PDCD10: variants seen among roughly 807,000 people sequenced by gnomAD.
PDCD10 encodes programmed cell death protein 10.
A neutral mutation model predicts 29.2 loss-of-function variants in PDCD10; 4 were observed. The observed-to-expected ratio is 0.14, with a 90% CI of 0.07 to 0.31. The LOEUF (loss-of-function observed/expected upper bound fraction) is 0.31, where lower values mean the gene tolerates loss of function less well. PDCD10 is among the 10% of genes least tolerant of loss of function. The pLI, the probability that PDCD10 is intolerant of heterozygous loss-of-function variation, is 1.00. For missense variants in PDCD10, 183 were observed against 257.9 expected (o/e 0.71, Z 1.99); for synonymous variants, 70 against 82.2 (o/e 0.85, Z 0.80).
Position 167,683,641 on chromosome 3 carries a change from C to T in PDCD10, c.*667G>A, listed in dbSNP as rs1388995754. 10 of 151,712 alleles carry T rather than the reference C, an allele frequency of 6.6e-5. No homozygotes were observed. The highest frequency in any genetic ancestry group is 6.6e-4 in the Admixed American group (10 of 15,220). The allele number at this position is 151,712 out of a possible 1,614,324, so 9.4% of individuals were successfully genotyped here. ...AAAATGCTATCTCTTACTCATAAGT[C>T]GTTTAAAACAGGTTGGAAATCATAT... is the stretch of plus-strand genomic sequence containing the variant. On this transcript the variant is annotated 3_prime_UTR_variant, in exon 9 of 9. Coordinates refer to ENST00000392750, the MANE Select transcript of PDCD10 (RefSeq NM_007217.4).
intron 3 of PDCD10, among the ~76,000 whole-genome samples, chr3:167,709,615 T>A (rs1341070339): frequency 6.6e-6 from 1 of 152,150 alleles, no homozygotes; most frequent in East Asian, 1.9e-4. Context: ...CACCAAGGGC[T>A]AAAGTGCTCT....
intron 3 of PDCD10, among the ~76,000 whole-genome samples, chr3:167,712,702 T>C (rs1722636376): frequency 6.6e-6 from 1 of 151,948 alleles, no homozygotes; most frequent in South Asian, 2.1e-4. Flanking sequence ...AACAACCTGT[T>C]GCCTACGAGA....
intron 3 of PDCD10, among the ~76,000 whole-genome samples, chr3:167,717,111 A>G (rs1361261897): frequency 6.6e-6 from 1 of 152,058 alleles, no homozygotes; most frequent in Admixed American, 6.6e-5. Flanking sequence ...TGAACTCCAC[A>G]GCAGCTGATT....
At chr3:167,719,707 T>C (rs1014538393) in intron 3 of PDCD10, among the ~76,000 whole-genome samples, 3 of 152,112 alleles carry the variant, frequency 2.0e-5, no homozygotes, top group African/African-American at 2.4e-5. Context: ...TCTTAGGATA[T>C]ATGTCTCTTC....
At chr3:167,689,524 A>G (rs1719986198) in intron 6 of PDCD10, among the ~76,000 whole-genome samples, 1 of 152,188 alleles carries the variant, frequency 6.6e-6, no homozygotes, top group Non-Finnish European at 1.5e-5. Flanking sequence ...AACAGTGGCT[A>G]GATTCTACAA....
rs887659279 is a variant in PDCD10, at chr3:167,719,948, G to T, written c.96+114C>A. 11 of 809,168 alleles carry T rather than the reference G, an allele frequency of 1.4e-5. No individual in the cohort carries two copies. The East Asian group carries it at 2.8e-4, about 21-fold the overall frequency. The allele number at this position is 809,168 out of a possible 1,614,324, so 50.1% of individuals were successfully genotyped here. On this transcript the variant is annotated intron_variant, in intron 3 of 8. Transcript: ENST00000392750. ...GCCCTGATACAATGCCTAACGCACC[G>T]ATAAGAGTTCATTCATGCTAGTATT...
intron 6 of PDCD10, among the ~76,000 whole-genome samples, chr3:167,692,800 C>T (rs896395037): frequency 1.3e-5 from 2 of 152,232 alleles, no homozygotes; most frequent in Admixed American, 6.5e-5. Flanking sequence ...CGCCTGTAGT[C>T]CCAGCTACGC....
At chr3:167,719,588 C>T (rs1313003488) in intron 3 of PDCD10, among the ~76,000 whole-genome samples, 1 of 152,148 alleles carries the variant, frequency 6.6e-6, no homozygotes, top group East Asian at 1.9e-4. Context: ...GTTTTGTCAC[C>T]ACTGACAATA....
intron 3 of PDCD10, among the ~76,000 whole-genome samples, chr3:167,714,805 A>G (rs1722854527): frequency 6.6e-6 from 1 of 152,016 alleles, no homozygotes; most frequent in Non-Finnish European, 1.5e-5. Context: ...AAAAAGGGAA[A>G]GATATTCTAT....
At chr3:167,723,300 G>C (rs1196933029) in intron 2 of PDCD10, among the ~76,000 whole-genome samples, 2 of 152,232 alleles carry the variant, frequency 1.3e-5, no homozygotes, top group Admixed American at 6.5e-5. Flanking sequence ...GAAACAGCAA[G>C]GGTTGGCTGA....
At chr3:167,718,745 C>T (rs1423422254) in intron 3 of PDCD10, among the ~76,000 whole-genome samples, 2 of 151,280 alleles carry the variant, frequency 1.3e-5, no homozygotes, top group East Asian at 3.9e-4. Context: ...TCTTCAGCAG[C>T]TATCTTGTAT....
intron 2 of PDCD10, among the ~76,000 whole-genome samples, chr3:167,724,207 CA>C (rs1473671948): frequency 6.6e-6 from 1 of 152,214 alleles, no homozygotes; most frequent in East Asian, 1.9e-4. Flanking sequence ...AGAGGAACAA[CA>C]GAAGCTCTTG....
At chr3:167,723,343 G>A (rs759544283) in intron 2 of PDCD10, among the ~76,000 whole-genome samples, 56 of 152,292 alleles carry the variant, frequency 3.7e-4, no homozygotes, top group Non-Finnish European at 5.0e-4. Flanking sequence ...CTTTGACAAG[G>A]TGCCTTCCTT....
At chr3:167,692,672 A>C (rs1720376448) in intron 6 of PDCD10, among the ~76,000 whole-genome samples, 1 of 152,234 alleles carries the variant, frequency 6.6e-6, no homozygotes, top group African/African-American at 2.4e-5. Flanking sequence ...TAATCCCAGC[A>C]CTTTGGGAGG....
chr3:167,689,516 CAG>C (rs1240370577), intron 6 of PDCD10, among the ~76,000 whole-genome samples: 1 of 152,110 alleles, frequency 6.6e-6, no homozygotes, highest in East Asian at 1.9e-4. Context: ...TATACAATAA[CAG>C]TGGCTAGATT....
Position 167,721,765 on chromosome 3 carries a change from A to G in PDCD10, c.-116-1492T>C, listed in dbSNP as rs564699339. On this transcript the variant is annotated intron_variant, in intron 2 of 8. Coordinates refer to ENST00000392750, the MANE Select transcript of PDCD10 (RefSeq NM_007217.4). ...CTCCATGACTTGACAGAACAAAAAG[A>G]GCAAAAGGCGAATTCCTGAATTTCA... is the stretch of plus-strand genomic sequence containing the variant. Among the ~76,000 whole-genome samples the G allele has an allele frequency of 2.0e-5, 3 of 152,316 alleles. No homozygotes were observed. The East Asian group carries it at 5.8e-4, about 29-fold the overall frequency.
chr3:167,699,800 A>G (rs1203555873), intron 4 of PDCD10, among the ~76,000 whole-genome samples: 1 of 152,242 alleles, frequency 6.6e-6, no homozygotes, highest in Non-Finnish European at 1.5e-5. Flanking sequence ...AACTGGTTTT[A>G]ACTGCTCAGG....
At chr3:167,711,554 C>G (rs1722520394) in intron 3 of PDCD10, among the ~76,000 whole-genome samples, 1 of 152,076 alleles carries the variant, frequency 6.6e-6, no homozygotes, top group Admixed American at 6.6e-5. Flanking sequence ...CTAAGAGTTA[C>G]TGGCATTAAA....
intron 2 of PDCD10, among the ~76,000 whole-genome samples, chr3:167,726,114 G>GTTTTTTTTTTT (rs751342370): frequency 1.2e-5 from 1 of 85,766 alleles, no homozygotes; most frequent in Non-Finnish European, 2.2e-5. Context: ...GTAGAGTACT[G>GTTTTTTTTTTT]TTTTTTTTTT....
Sources: allele counts gnomAD v4.1 joint callset (sites outside exome capture counted in the v4.1 genomes callset), GRCh38; gene constraint gnomAD v4.1.1; transcripts MANE v1.5; gene names NCBI Gene and HGNC (gene_info 2026-07-23, HGNC 2026-07-21).